The following ZFHX3 variants were observed in gnomAD, a reference collection of about 807,000 sequenced individuals.
ZFHX3 encodes zinc finger homeobox 3.
Under a neutral mutation model 279.1 loss-of-function variants are expected in ZFHX3, and 42 were observed. The observed-to-expected ratio is 0.15, with a 90% CI of 0.12 to 0.19. ZFHX3 has a LOEUF of 0.19. ZFHX3 is among the 10% of genes least tolerant of loss of function. ZFHX3 has a pLI of 1.00. For synonymous variants in ZFHX3, 2,293 were observed against 1,957.8 expected, an observed-to-expected ratio of 1.17 and a Z score of -4.52; for missense variants, 4,981 against 4,754.0, an observed-to-expected ratio of 1.05 and a Z score of -1.40.
chr16:73,657,816 T>C (rs2052738067), intron 2 of ZFHX3, among the ~76,000 whole-genome samples: 1 of 152,234 alleles, frequency 6.6e-6, no homozygotes, highest in African/African-American at 2.4e-5. Flanking sequence ...TTCCGTTGTA[T>C]GGATATACCA....
intron 1 of ZFHX3, among the ~76,000 whole-genome samples, chr16:73,683,197 G>A (rs934821078): frequency 2.5e-4 from 38 of 152,116 alleles, no homozygotes; most frequent in Non-Finnish European, 3.1e-4. Flanking sequence ...TGTATATAAT[G>A]GGTGAATGTA....
At chr16:73,651,295 G>C (rs1054375590) in intron 2 of ZFHX3, among the ~76,000 whole-genome samples, 1 of 151,794 alleles carries the variant, frequency 6.6e-6, no homozygotes, top group Non-Finnish European at 1.5e-5. Flanking sequence ...TAGTAAGAAG[G>C]CCTAATCTAT....
At chr16:73,800,514 G>A (rs1477423806) in intron 1 of ZFHX3, among the ~76,000 whole-genome samples, 3 of 152,086 alleles carry the variant, frequency 2.0e-5, no homozygotes, top group African/African-American at 7.2e-5. Context: ...ACCGTGCTGG[G>A]CCTACTATTG....
intron 5 of ZFHX3, among the ~76,000 whole-genome samples, chr16:73,191,732 T>G (rs562795719): frequency 8.6e-5 from 13 of 151,932 alleles, no homozygotes; most frequent in Admixed American, 4.6e-4. Context: ...TTCTTTTTTT[T>G]TTCTGCGGGA....
chr16:73,765,671 C>G (rs2053926388), intron 1 of ZFHX3, among the ~76,000 whole-genome samples: 1 of 152,224 alleles, frequency 6.6e-6, no homozygotes, highest in African/African-American at 2.4e-5. Context: ...TCCAAACTAA[C>G]TTGGGAAAAC....
At chr16:73,886,287 T>C (rs546145801) in intron 1 of ZFHX3, among the ~76,000 whole-genome samples, 1 of 152,226 alleles carries the variant, frequency 6.6e-6, no homozygotes, top group South Asian at 2.1e-4. Context: ...GGATTAATAT[T>C]ATCAAATTTT....
At chr16:73,500,691 C>CAAAAAAAA in intron 2 of ZFHX3, among the ~76,000 whole-genome samples, 1 of 96,912 alleles carries the variant, frequency 1.0e-5, no homozygotes, top group Non-Finnish European at 2.2e-5. Flanking sequence ...TTTTAAAATA[C>CAAAAAAAA]AAAAAAAAAA....
intron 3 of ZFHX3, among the ~76,000 whole-genome samples, chr16:73,393,043 C>T (rs2143404156): frequency 6.6e-6 from 1 of 152,294 alleles, no homozygotes; most frequent in African/African-American, 2.4e-5. Context: ...CCACATTGGC[C>T]AGGCTGGTCT....
At chr16:73,031,774 G>C (rs561240368) in intron 1 of ZFHX3, among the ~76,000 whole-genome samples, 1 of 152,130 alleles carries the variant, frequency 6.6e-6, no homozygotes, top group Non-Finnish European at 1.5e-5. Context: ...AGGTCACCAC[G>C]GGCCCTCTGG....
chr16:73,456,514 T>A (rs1451856635), intron 2 of ZFHX3, among the ~76,000 whole-genome samples: 1 of 152,154 alleles, frequency 6.6e-6, no homozygotes, highest in Non-Finnish European at 1.5e-5. Context: ...AATGTTACTT[T>A]CTTTACACAG....
At chr16:72,919,646 C>T (rs763127946) in intron 3 of ZFHX3, among the ~76,000 whole-genome samples, 11 of 151,972 alleles carry the variant, frequency 7.2e-5, no homozygotes, top group Admixed American at 2.0e-4. Context: ...CAATATCCAT[C>T]TTGATATCTC....
chr16:73,785,845 G>A (rs1482522948), intron 1 of ZFHX3, among the ~76,000 whole-genome samples: 1 of 151,838 alleles, frequency 6.6e-6, no homozygotes, highest in African/African-American at 2.4e-5. Context: ...TTGTTGCCTG[G>A]GTACTTTGTA....
At chr16:73,467,100 T>C (rs2018586945) in intron 2 of ZFHX3, among the ~76,000 whole-genome samples, 1 of 152,208 alleles carries the variant, frequency 6.6e-6, no homozygotes, top group Non-Finnish European at 1.5e-5. Flanking sequence ...GGAGTTGTTA[T>C]AAAGATTCTG....
chr16:73,624,269 A>G (rs1390963335), intron 2 of ZFHX3, among the ~76,000 whole-genome samples: 1 of 152,210 alleles, frequency 6.6e-6, no homozygotes, highest in Non-Finnish European at 1.5e-5. Context: ...AGGAAAAAAA[A>G]TTCTTTAGCT....
chr16:73,011,963 A>T (rs528219979), intron 1 of ZFHX3, among the ~76,000 whole-genome samples: 4 of 152,270 alleles, frequency 2.6e-5, no homozygotes, highest in African/African-American at 9.6e-5. Context: ...CCCAAGACCA[A>T]AGAGGAAGCC....
At chr16:73,881,451 ACACTCTCT>A (rs1374435277) in intron 1 of ZFHX3, among the ~76,000 whole-genome samples, 5 of 79,838 alleles carry the variant, frequency 6.3e-5, no homozygotes, top group African/African-American at 1.8e-4. Context: ...ACACACACAC[ACACTCTCT>A]CTCTCTCTCT....
intron 4 of ZFHX3, among the ~76,000 whole-genome samples, chr16:72,857,838 G>A (rs958469580): frequency 6.6e-6 from 1 of 152,252 alleles, no homozygotes; most frequent in African/African-American, 2.4e-5. Context: ...TCTGAAGGTT[G>A]TATAATTCAT....
At chr16:73,440,490 C>T (rs1008398891) in intron 3 of ZFHX3, among the ~76,000 whole-genome samples, 5 of 152,170 alleles carry the variant, frequency 3.3e-5, no homozygotes, top group Admixed American at 6.5e-5. Flanking sequence ...CCCATTTCTC[C>T]GTGCCTGCCA....
chr16:73,815,019 T>C (rs1435670264), intron 1 of ZFHX3, among the ~76,000 whole-genome samples: 1 of 152,148 alleles, frequency 6.6e-6, no homozygotes, highest in Non-Finnish European at 1.5e-5. Context: ...ATCACAAATA[T>C]TAGGAAACAT....
Sources: allele counts gnomAD v4.1 joint callset (sites outside exome capture counted in the v4.1 genomes callset), GRCh38; gene constraint gnomAD v4.1.1; transcripts MANE v1.5; gene names NCBI Gene and HGNC (gene_info 2026-07-23, HGNC 2026-07-21).